Variants in FCSK observed in about 807,000 individuals in gnomAD.
FCSK encodes L-fucose kinase.
Under a neutral mutation model 122.5 loss-of-function variants are expected in FCSK, and 123 were observed. That is an observed-to-expected ratio of 1.00 (90% CI 0.87 to 1.17). The LOEUF (loss-of-function observed/expected upper bound fraction) is 1.17. FCSK is among the 50% of genes most tolerant of loss of function. The pLI, the probability that FCSK is intolerant of heterozygous loss-of-function variation, is 0.00. For missense variants in FCSK, 1,366 were observed against 1,450.4 expected, an observed-to-expected ratio of 0.94 and a Z score of 0.95; for synonymous variants, 620 against 625.5, an observed-to-expected ratio of 0.99 and a Z score of 0.13.
At chr16:70,477,520 G>A (rs559950964) in intron 20 of FCSK, 2 of 152,210 alleles carry the variant, frequency 1.3e-5, no homozygotes, top group African/African-American at 4.8e-5. Context: ...GGAGGAAAAT[G>A]ATACATACCT....
chr16:70,464,339 C>T (rs2048353016), intron 3 of FCSK, among the ~76,000 whole-genome samples: 1 of 152,134 alleles, frequency 6.6e-6, no homozygotes, highest in Admixed American at 6.6e-5. Context: ...CTCTTGTTGC[C>T]TGTAACCTCC....
intron 20 of FCSK, chr16:70,478,007 G>T (rs1204685393): frequency 2.0e-5 from 10 of 488,610 alleles, no homozygotes; most frequent in Non-Finnish European, 3.6e-5. Flanking sequence ...TTATTCTTCA[G>T]TGTGGTTTAT....
chr16:70,478,467 C>A lies in FCSK; in HGVS notation c.2829+8C>A. 6.2e-7 allele frequency: 1 copy of A among 1,613,848 alleles called. No homozygotes were observed. The highest frequency in any genetic ancestry group is 8.5e-7 in the Non-Finnish European group (1 of 1,179,976). Reference sequence around the variant, plus strand: ...GCTCGGAACCTGCTGCAGGTGAGCTCTGGCCCCAGCATGAGGGAGGCAGGC... The same window carrying A: ...GCTCGGAACCTGCTGCAGGTGAGCTATGGCCCCAGCATGAGGGAGGCAGGC... On this transcript the variant is annotated splice_region_variant and intron_variant, in intron 21 of 23. Coordinates refer to ENST00000288078, the MANE Select transcript of FCSK (RefSeq NM_145059.3).
Position 70,469,142 on chromosome 16 carries a change from C to T in FCSK, c.784-10C>T, listed in dbSNP as rs2048527211. The T allele has an allele frequency of 1.2e-6, 2 of 1,613,906 alleles. No individual in the cohort carries two copies. The highest frequency in any genetic ancestry group is 2.2e-5 in the South Asian group (2 of 91,082). Reference sequence around the variant, plus strand: ...CATGCCAATAGCTGTGCTTCTTCCCCTTCCCCTAGCTGTCTCTGTTTTTTG... The same window carrying T: ...CATGCCAATAGCTGTGCTTCTTCCCTTTCCCCTAGCTGTCTCTGTTTTTTG... On this transcript the variant is annotated splice_polypyrimidine_tract_variant and intron_variant, in intron 9 of 23. Coordinates refer to ENST00000288078, the MANE Select transcript of FCSK (RefSeq NM_145059.3).
chr16:70,464,947 C>T (rs1003035447), intron 3 of FCSK, 179 bp from the exon 4 acceptor site: 3 of 1,391,590 alleles, frequency 2.2e-6, no homozygotes, highest in African/African-American at 2.9e-5. Flanking sequence ...CCTGGGATCC[C>T]TTATCCAGGA....
At position 70,478,348 on chromosome 16, in the gene FCSK, G is replaced by A. The variant is rs749914989; in HGVS notation, c.2718G>A (p.Leu906=). 1.2e-6 allele frequency: 2 copies of A among 1,614,244 alleles called. No individual in the cohort carries two copies. Among genetic ancestry groups the A allele is most frequent in the African/African-American group, 1.3e-5 (1 of 75,070 alleles). ...GGCGCTCCCGGGCTCAGCTGCCACT[G>A]AAGGTGGAGGTAGAAGAGGTCACGG... The part of the protein sequence containing the change: ...KVGRSRAQLP[L]KVEVEEVTVP... Residue 906 remains leucine, a synonymous_variant, in exon 21 of 24, where the codon CTG becomes CTA. Transcript: ENST00000288078.
chr16:70,470,491 G>A (rs1052012161), intron 11 of FCSK, 65 bp downstream of exon 11: 18 of 1,016,088 alleles, frequency 1.8e-5, no homozygotes, highest in African/African-American at 6.4e-5. Flanking sequence ...GTGGATTCCC[G>A]GGAAGAAAAT....
chr16:70,478,915 G>C (rs1041269929), intron 22 of FCSK: 1 of 696,724 alleles, frequency 1.4e-6, no homozygotes, highest in Non-Finnish European at 2.6e-6. Flanking sequence ...GAGTTCCAAG[G>C]AAGTCTGAGC....
intron 1 of FCSK, among the ~76,000 whole-genome samples, chr16:70,459,669 T>TC (rs1188875920): frequency 2.7e-5 from 4 of 149,956 alleles, no homozygotes; most frequent in African/African-American, 9.9e-5. Flanking sequence ...TTTTTTTTTT[T>TC]TTTTTTGTAG....
At chr16:70,466,311 C>T (rs943102517) in intron 5 of FCSK, 54 bp downstream of exon 5, 5 of 1,602,276 alleles carry the variant, frequency 3.1e-6, no homozygotes, top group Non-Finnish European at 4.3e-6. Flanking sequence ...CCACTTCCCT[C>T]CCACTGTTCC....
At position 70,472,138 on chromosome 16, in the gene FCSK, G is replaced by A. The variant is rs2048645062; in HGVS notation, c.1342-403G>A. Among the ~76,000 whole-genome samples the A allele has an allele frequency of 2.0e-5, 3 of 152,174 alleles. No homozygotes were observed. In the South Asian group the frequency reaches 6.2e-4, roughly 32 times the overall value. ...GGGGGTTTTTATCCTTATTTGACAG[G>A]CTAGAGACTGGGATTCAGAGAGGGA... On this transcript the variant is annotated intron_variant, in intron 13 of 23. Coordinates refer to ENST00000288078, the MANE Select transcript of FCSK (RefSeq NM_145059.3).
rs1170875417 is a variant in FCSK at position 70,473,110 on chromosome 16, C to G, written c.1534C>G (p.Gln512Glu). 2 of 1,585,626 alleles carry G rather than the reference C, an allele frequency of 1.3e-6. No individual in the cohort carries two copies. Among genetic ancestry groups the G allele is most frequent in the Non-Finnish European group, 1.7e-6 (2 of 1,167,016 alleles). The change falls in exon 15 of 24, where the codon CAG becomes GAG. Residue 512 changes from glutamine to glutamate, a missense_variant. Gln to Glu is a conservative substitution (Grantham distance 29). Coordinates refer to ENST00000288078, the MANE Select transcript of FCSK (RefSeq NM_145059.3). This position sits in a 1 kb window ranked among gnomAD's most constrained non-coding sequence, Gnocchi z 4.9. ...GGACCTGCTGTGGATGCTGGACCACCAGGAGGATGGGGGCGAGGCCCTGCG... is the reference window on the plus strand; with the variant it reads ...GGACCTGCTGTGGATGCTGGACCACGAGGAGGATGGGGGCGAGGCCCTGCG... Reference protein sequence around the residue: ...PQDLLWMLDHQEDGGEALRAW... With the variant: ...PQDLLWMLDHEEDGGEALRAW...
At position 70,467,844 on chromosome 16, in the gene FCSK, C is replaced by T. The variant is rs532545371; in HGVS notation, c.583-42C>T. The stretch of plus-strand genomic sequence containing the variant: ...GTGGCTGTGGCCTCCTTCCAGATCC[C>T]TTCCTGCTCCCTCCGCTGATTCTGT... On this transcript the variant is annotated intron_variant, in intron 7 of 23. Coordinates refer to ENST00000288078, the MANE Select transcript of FCSK (RefSeq NM_145059.3). The T allele has an allele frequency of 2.6e-4, 403 of 1,564,744 alleles. 1 individual carries two copies. In the East Asian group the frequency reaches 8.1e-3, roughly 31 times the overall value.
chr16:70,464,879 AAACAAC>A (rs570632522), intron 3 of FCSK: 3 of 715,656 alleles, frequency 4.2e-6, no homozygotes, highest in Non-Finnish European at 6.9e-6. Flanking sequence ...CCCTGTCTCA[AAACAAC>A]AACAACAACA....
At chr16:70,461,371 G>T (rs2048258298) in intron 1 of FCSK, among the ~76,000 whole-genome samples, 1 of 152,020 alleles carries the variant, frequency 6.6e-6, no homozygotes. Flanking sequence ...GTGAATGTGT[G>T]GGTACTCCTG....
chr16:70,473,572 A>G lies in FCSK; in HGVS notation c.1777+219A>G, dbSNP rs988223264. Among the ~76,000 whole-genome samples the G allele has an allele frequency of 1.3e-5, 2 of 152,136 alleles. No homozygotes were observed. The highest frequency in any genetic ancestry group is 2.9e-5 in the Non-Finnish European group (2 of 68,000). Reference sequence around the variant, plus strand: ...TCATCCTTGTCAGTGGGGTTTGGTCAGAGGTTGAGGCCTGGCAGCTGAGCT... The same window carrying G: ...TCATCCTTGTCAGTGGGGTTTGGTCGGAGGTTGAGGCCTGGCAGCTGAGCT... On this transcript the variant is annotated intron_variant, in intron 15 of 23. Transcript: ENST00000288078. The surrounding 1 kb of genome is among the most constrained non-coding windows in gnomAD (Gnocchi z 4.9).
rs1243448523 is a variant in FCSK at position 70,459,623 on chromosome 16, G to A, written c.-22-3546G>A. 3.4e-5 allele frequency among the ~76,000 whole-genome samples: 5 copies of A among 148,048 alleles called. No homozygotes were observed. In the East Asian group the frequency reaches 1.0e-3, roughly 30 times the overall value. ...CTCTGCCACTTGCTAGCTTTGGCAA[G>A]TTACTTCATCTCTCTGTGCCTCATT... On this transcript the variant is annotated intron_variant, in intron 1 of 23. Coordinates refer to ENST00000288078, the MANE Select transcript of FCSK (RefSeq NM_145059.3).
At chr16:70,456,977 G>T (rs1039660985) in intron 1 of FCSK, among the ~76,000 whole-genome samples, 1 of 151,784 alleles carries the variant, frequency 6.6e-6, no homozygotes, top group Non-Finnish European at 1.5e-5. Context: ...CCAAGATTGC[G>T]CCACTGCACT....
At chr16:70,465,295 T>C in intron 4 of FCSK, 119 bp downstream of exon 4, 2 of 1,028,204 alleles carry the variant, frequency 1.9e-6, no homozygotes, top group Middle Eastern at 3.2e-4. Context: ...TGAAAGATTC[T>C]AAATGTCCAA....
Sources: gnomAD v4.1 joint callset for allele counts (sites outside exome capture counted in the v4.1 genomes callset) on GRCh38, gnomAD v4.1.1 for gene constraint, Gnocchi (gnomAD v3.1) non-coding constraint, MANE v1.5 for transcripts, NCBI Gene and HGNC (gene_info 2026-07-23, HGNC 2026-07-21) for gene names.